Variants in SOX5 observed in about 807,000 individuals in gnomAD.
SOX5 encodes SRY-box transcription factor 5, also known as transcription factor SOX-5.
In SOX5, 9 loss-of-function variants were observed where a neutral mutation model predicts 92.0. The observed-to-expected ratio is 0.10, with a 90% CI of 0.06 to 0.17. The LOEUF is 0.17. Ranked by LOEUF, SOX5 falls within the 10% of genes least tolerant of loss-of-function variation. The pLI is 1.00. For missense variants in SOX5, 642 were observed against 944.5 expected (o/e 0.68, Z 4.20); for synonymous variants, 344 against 336.3 (o/e 1.02, Z -0.25).
At chr12:24,480,583 T>A (rs1293964600) in intron 1 of SOX5, among the ~76,000 whole-genome samples, 1 of 152,094 alleles carries the variant, frequency 6.6e-6, no homozygotes, top group Non-Finnish European at 1.5e-5. Flanking sequence ...AATAATCTGA[T>A]TTAAAATGGG....
At chr12:23,577,215 G>C (rs1403718337) in intron 9 of SOX5, among the ~76,000 whole-genome samples, 11 of 53,990 alleles carry the variant, frequency 2.0e-4, no homozygotes, top group Non-Finnish European at 4.0e-4. Flanking sequence ...TTTTTTTTGA[G>C]ATGGAGTCTT....
intron 1 of SOX5, among the ~76,000 whole-genome samples, chr12:24,449,310 A>G (rs1941939183): frequency 6.6e-6 from 1 of 152,170 alleles, no homozygotes; most frequent in African/African-American, 2.4e-5. Context: ...CTCCTTGCCA[A>G]TGCTCCAACC....
intron 2 of SOX5, among the ~76,000 whole-genome samples, chr12:24,345,889 A>G (rs571072967): frequency 3.5e-4 from 54 of 152,330 alleles, no homozygotes; most frequent in African/African-American, 9.1e-4. Flanking sequence ...TGTTCACAGC[A>G]GCTGCACACT....
At chr12:23,866,828 C>T (rs899911860) in intron 2 of SOX5, among the ~76,000 whole-genome samples, 1 of 152,120 alleles carries the variant, frequency 6.6e-6, no homozygotes, top group Non-Finnish European at 1.5e-5. Flanking sequence ...ATAAAGACCT[C>T]ATTTCTTTCT....
chr12:24,407,503 C>A (rs1377129726), intron 1 of SOX5: 8 of 152,182 alleles, frequency 5.3e-5, no homozygotes, highest in Admixed American at 5.2e-4. Context: ...TTTGGGGAGG[C>A]TTGTCCAAAA....
chr12:24,086,101 A>AT (rs1251952987), intron 4 of SOX5, among the ~76,000 whole-genome samples: 1 of 152,010 alleles, frequency 6.6e-6, no homozygotes, highest in East Asian at 1.9e-4. Context: ...TATTCAAAAT[A>AT]TTTTTTAAAC....
In SOX5 at chr12:23,999,140, C is replaced by CGTGTG. The variant is rs71445976; in HGVS notation, c.-1-103117_-1-103116insCACAC. On this transcript the variant is annotated intron_variant, in intron 4 of 4. Transcript: ENST00000446891. Reference sequence around the variant, plus strand: ...TTTATGAAAGTAAATAAAAAAGACTCTGTGTGTGTGTGTGTGTGTGTGTGT... The same window carrying CGTGTG: ...TTTATGAAAGTAAATAAAAAAGACTCGTGTGTGTGTGTGTGTGTGTGTGTGTGTGT... 2.1e-5 allele frequency among the ~76,000 whole-genome samples: 3 copies of CGTGTG among 141,306 alleles called. No homozygotes were observed. The Admixed American group carries it at 2.1e-4, about 10-fold the overall frequency. The allele number at this position is 141,306 out of a possible 152,430, so 92.7% of individuals were successfully genotyped here. A position where few individuals can be genotyped will look rare whatever the true frequency, so the allele number is the denominator to read the frequency against.
intron 1 of SOX5, among the ~76,000 whole-genome samples, chr12:24,556,088 AC>A (rs559799533): frequency 1.5e-3 from 224 of 152,216 alleles, no homozygotes; most frequent in African/African-American, 5.3e-3. Context: ...GCTTCTTCCT[AC>A]TCAATCGTCT....
At chr12:24,057,141 A>G (rs1958212871) in intron 4 of SOX5, among the ~76,000 whole-genome samples, 2 of 152,018 alleles carry the variant, frequency 1.3e-5, no homozygotes, top group South Asian at 2.1e-4. Flanking sequence ...AGTTTCAAAT[A>G]GATAAAAGAA....
chr12:23,634,636 T>C (rs562275060), intron 8 of SOX5, among the ~76,000 whole-genome samples: 103 of 152,294 alleles, frequency 6.8e-4, no homozygotes, highest in Non-Finnish European at 1.2e-3. Context: ...GTGCCAAACA[T>C]GCTACCAGGC....
intron 3 of SOX5, among the ~76,000 whole-genome samples, chr12:24,252,346 CA>C (rs1312413577): frequency 6.6e-6 from 1 of 152,192 alleles, no homozygotes; most frequent in Admixed American, 6.5e-5. Context: ...ATTGCTGTCA[CA>C]ATTTGCCTCA....
intron 2 of SOX5, among the ~76,000 whole-genome samples, chr12:23,890,692 G>A (rs2097122082): frequency 6.6e-6 from 1 of 151,978 alleles, no homozygotes; most frequent in African/African-American, 2.4e-5. Flanking sequence ...ATTCTGGAGA[G>A]TCCTTTCCAT....
rs4246222 is a variant in SOX5 at position 24,154,903 on chromosome 12, T to G, written c.-2+58440A>C. ...CTTTATTTGGAAAATTAAAAAATTA[T>G]AAAACTTGTCAGAGGATTATAAAAG... On this transcript the variant is annotated intron_variant, in intron 4 of 4. Coordinates refer to the SOX5 transcript ENST00000446891. Among the ~76,000 whole-genome samples the G allele has an allele frequency of 8.7e-4, 133 of 152,194 alleles. 3 individuals are homozygous for G. The highest frequency in any genetic ancestry group is 2.2e-3 in the Admixed American group (33 of 15,276).
intron 4 of SOX5, among the ~76,000 whole-genome samples, chr12:24,211,753 C>T (rs978400052): frequency 3.9e-5 from 6 of 152,160 alleles, no homozygotes; most frequent in African/African-American, 1.4e-4. Context: ...GTTATTTAGA[C>T]TTGTGAAATA....
intron 4 of SOX5, among the ~76,000 whole-genome samples, chr12:24,205,009 C>T (rs1957884118): frequency 6.6e-6 from 1 of 152,150 alleles, no homozygotes; most frequent in African/African-American, 2.4e-5. Flanking sequence ...AAATAGTTGG[C>T]TTTGATCACA....
In SOX5 at chr12:24,189,173, T is replaced by C. The variant is rs561272045; in HGVS notation, c.-2+24170A>G. ...TTTGTGACGGCTGTTAGAACTTGAA[T>C]GTCTATTCAAGTACAGGCACTCAGC... On this transcript the variant is annotated intron_variant, in intron 4 of 4. Transcript: ENST00000446891. Among the ~76,000 whole-genome samples the C allele has an allele frequency of 1.5e-3, 235 of 152,326 alleles. 2 individuals are homozygous for C. Among genetic ancestry groups the C allele is most frequent in the African/African-American group, 5.2e-3 (218 of 41,574 alleles).
At chr12:24,197,618 T>C (rs1957130278) in intron 4 of SOX5, among the ~76,000 whole-genome samples, 1 of 152,128 alleles carries the variant, frequency 6.6e-6, no homozygotes, top group African/African-American at 2.4e-5. Flanking sequence ...GCCCTGACTG[T>C]CTTGGCCTTC....
chr12:24,356,646 C>A (rs1003187735), intron 2 of SOX5, among the ~76,000 whole-genome samples: 2 of 152,138 alleles, frequency 1.3e-5, no homozygotes, highest in African/African-American at 2.4e-5. Flanking sequence ...CATGCACAGG[C>A]CTCTCAGTCT....
chr12:23,707,492 C>T (rs983136683), intron 6 of SOX5, among the ~76,000 whole-genome samples: 1 of 152,096 alleles, frequency 6.6e-6, no homozygotes, highest in Non-Finnish European at 1.5e-5. Flanking sequence ...TCCCAGGAAA[C>T]TCTGCATTCT....
Sources: allele counts gnomAD v4.1 joint callset (sites outside exome capture counted in the v4.1 genomes callset), GRCh38; gene constraint gnomAD v4.1.1; transcripts MANE v1.5; gene names NCBI Gene and HGNC (gene_info 2026-07-23, HGNC 2026-07-21).